Variants in HECW1 observed in about 807,000 individuals in gnomAD.
HECW1 encodes HECT, C2 and WW domain containing E3 ubiquitin protein ligase 1, also known as E3 ubiquitin-protein ligase HECW1.
HECW1 carries 61 observed loss-of-function variants against 182.3 expected under a neutral mutation model. The ratio of observed to expected loss-of-function variants is 0.33; its 90% confidence interval spans 0.27 to 0.41. The LOEUF is 0.41. HECW1 is among the 10% of genes least tolerant of loss of function. HECW1 has a pLI of 1.00. For missense variants in HECW1, 1,739 were observed against 2,108.9 expected (o/e 0.82, Z 3.44); for synonymous variants, 859 against 832.6 (o/e 1.03, Z -0.55).
intron 8 of HECW1, among the ~76,000 whole-genome samples, chr7:43,426,938 A>G (rs1045792866): frequency 3.3e-5 from 5 of 152,148 alleles, no homozygotes; most frequent in Non-Finnish European, 5.9e-5. Flanking sequence ...CAAAATATAT[A>G]GAGAGAACAA....
chr7:43,444,418 G>C lies in HECW1; in HGVS notation c.1246G>C (p.Ala416Pro), dbSNP rs778321771. The change falls in exon 11 of 30, where the codon GCT (alanine) becomes CCT (proline). Residue 416 changes from alanine (A) to proline (P), a missense_variant. Physicochemically the swap from Ala to Pro is conservative, Grantham distance 27 (BLOSUM62 -1). Around this residue, in one of 5 missense-constraint regions of HECW1, gnomAD observed 971 missense variants for 1,029.1 expected, o/e 0.94. Transcript: ENST00000395891. This position sits in a 1 kb window ranked among gnomAD's most constrained non-coding sequence, Gnocchi z 4.3. The part of the protein sequence containing the change: ...GNQSIELSRP[A>P]EEAAVITEAG... ...CCAAAGCATAGAGCTTTCCAGACCA[G>C]CTGAGGAAGCAGCAGTCATCACGGA... 2.5e-6 allele frequency: 4 copies of C among 1,614,064 alleles called. No homozygotes were observed. Among genetic ancestry groups the C allele is most frequent in the Non-Finnish European group, 3.4e-6 (4 of 1,179,998 alleles).
intron 2 of HECW1, among the ~76,000 whole-genome samples, chr7:43,242,790 T>A (rs949975545): frequency 2.6e-5 from 4 of 152,096 alleles, no homozygotes; most frequent in Admixed American, 2.0e-4. Flanking sequence ...CTGAGAACCA[T>A]CCAGGAAGCC....
At chr7:43,305,529 T>C (rs912388714) in intron 3 of HECW1, among the ~76,000 whole-genome samples, 4 of 152,214 alleles carry the variant, frequency 2.6e-5, no homozygotes. Context: ...AGAATTTTTA[T>C]TAACATTCTG....
chr7:43,470,275 A>AGTGGCTTATCAGAGCTCGGTTTCGG (rs1244198843), intron 16 of HECW1, among the ~76,000 whole-genome samples: 3 of 152,204 alleles, frequency 2.0e-5, no homozygotes, highest in Non-Finnish European at 4.4e-5. Context: ...AAAGTGAAGG[A>AGTGGCTTATCAGAGCTCGGTTTCGG]GTGGCTTATC....
chr7:43,444,750 C>G lies in HECW1; in HGVS notation c.1578C>G (p.Ala526=). The G allele has an allele frequency of 6.2e-7, 1 of 1,613,950 alleles. No individual in the cohort carries two copies. ...EQGEGRLQLR[A]SVKRKSRPCS... is the part of the protein sequence containing the mutation. ...GAGAGGGCAGGCTGCAGCTGCGGGCCTCGGTGAAGAGAAAAAGCAGGCCCT... is the reference window on the plus strand; with the variant it reads ...GAGAGGGCAGGCTGCAGCTGCGGGCGTCGGTGAAGAGAAAAAGCAGGCCCT... Residue 526 remains alanine (A), a synonymous_variant, in exon 11 of 30, where the codon GCC becomes GCG. Transcript: ENST00000395891. This position sits in a 1 kb window ranked among gnomAD's most constrained non-coding sequence, Gnocchi z 4.3.
chr7:43,451,408 G>C (rs1009246384), intron 12 of HECW1, among the ~76,000 whole-genome samples: 12 of 152,108 alleles, frequency 7.9e-5, no homozygotes, highest in Non-Finnish European at 1.6e-4. Flanking sequence ...CATCCATAGG[G>C]AATAGCTTCA....
At chr7:43,205,317 T>C (rs551277144) in intron 2 of HECW1, among the ~76,000 whole-genome samples, 1 of 152,254 alleles carries the variant, frequency 6.6e-6, no homozygotes, top group South Asian at 2.1e-4. Flanking sequence ...ACTCCTGACG[T>C]CATGATCGGC....
At chr7:43,264,509 G>A (rs770699498) in intron 3 of HECW1, among the ~76,000 whole-genome samples, 2 of 152,032 alleles carry the variant, frequency 1.3e-5, no homozygotes, top group Non-Finnish European at 2.9e-5. Flanking sequence ...TTGCTTTTAT[G>A]TTTGTTTTTC....
At chr7:43,291,083 T>C (rs562868771) in intron 3 of HECW1, among the ~76,000 whole-genome samples, 2 of 152,346 alleles carry the variant, frequency 1.3e-5, no homozygotes, top group East Asian at 3.9e-4. Context: ...CGCTGTTATA[T>C]GTACAATGTT....
chr7:43,421,188 G>A (rs1332462656), intron 8 of HECW1, among the ~76,000 whole-genome samples: 2 of 152,192 alleles, frequency 1.3e-5, no homozygotes, highest in African/African-American at 4.8e-5. Context: ...GTATGTTATG[G>A]AAAGGATAGC....
At chr7:43,332,250 A>G (rs1584508318) in intron 5 of HECW1, among the ~76,000 whole-genome samples, 1 of 152,224 alleles carries the variant, frequency 6.6e-6, no homozygotes, top group Admixed American at 6.5e-5. Flanking sequence ...AAGCCACTCT[A>G]CATACAAAAT....
intron 8 of HECW1, among the ~76,000 whole-genome samples, chr7:43,426,914 G>T (rs2076380865): frequency 6.6e-6 from 1 of 151,794 alleles, no homozygotes; most frequent in African/African-American, 2.4e-5. Context: ...TGCAAAACGT[G>T]GAAGCTGTAT....
intron 24 of HECW1, among the ~76,000 whole-genome samples, chr7:43,532,505 T>A (rs1435258508): frequency 6.6e-6 from 1 of 152,182 alleles, no homozygotes; most frequent in East Asian, 1.9e-4. Flanking sequence ...CGGCATGATC[T>A]ATCCCCTGGG....
intron 24 of HECW1, among the ~76,000 whole-genome samples, chr7:43,535,782 A>C (rs1342064396): frequency 6.6e-6 from 1 of 152,208 alleles, no homozygotes; most frequent in Non-Finnish European, 1.5e-5. Context: ...TCAGGGGAAG[A>C]GTCATCTCAG....
At chr7:43,456,230 G>C in intron 12 of HECW1, 67 bp from the exon 13 acceptor site, 1 of 1,494,840 alleles carries the variant, frequency 6.7e-7, no homozygotes, top group Non-Finnish European at 9.2e-7. Context: ...CTTGGAAGTT[G>C]TATGTGTTTC....
At chr7:43,180,470 A>T (rs529349237) in intron 2 of HECW1, among the ~76,000 whole-genome samples, 353 of 152,010 alleles carry the variant, frequency 2.3e-3, no homozygotes, top group African/African-American at 8.1e-3. Flanking sequence ...ATCTCGGCTC[A>T]CTGCAAGCTC....
At chr7:43,532,568 C>T (rs2081034770) in intron 24 of HECW1, among the ~76,000 whole-genome samples, 2 of 152,146 alleles carry the variant, frequency 1.3e-5, no homozygotes, top group African/African-American at 4.8e-5. Flanking sequence ...CTGGAGTCCA[C>T]CCCCACTGGC....
At chr7:43,236,245 T>A (rs1245928843) in intron 2 of HECW1, among the ~76,000 whole-genome samples, 1 of 152,198 alleles carries the variant, frequency 6.6e-6, no homozygotes, top group African/African-American at 2.4e-5. Flanking sequence ...TATTATGATA[T>A]ATTAAGTGAT....
chr7:43,269,554 T>G (rs1355008511), intron 3 of HECW1, among the ~76,000 whole-genome samples: 4 of 152,118 alleles, frequency 2.6e-5, no homozygotes, highest in Admixed American at 6.5e-5. Flanking sequence ...AGTTTCAATA[T>G]AGGAGTGAAG....
Sources: allele counts gnomAD v4.1 joint callset (sites outside exome capture counted in the v4.1 genomes callset), GRCh38; gene constraint gnomAD v4.1.1; regional missense constraint gnomAD v4.1.1; non-coding constraint Gnocchi (gnomAD v3.1); transcripts MANE v1.5; gene names NCBI Gene and HGNC (gene_info 2026-07-23, HGNC 2026-07-21).